The following USP9Y variants were observed in gnomAD, a reference collection of about 807,000 sequenced individuals.
USP9Y encodes the protein ubiquitin specific peptidase 9 Y-linked.
USP9Y carries 41 observed loss-of-function variants against 53.1 expected under a neutral mutation model. The ratio of observed to expected loss-of-function variants is 0.77; its 90% CI spans 0.60 to 1.00. The LOEUF is 1.00. USP9Y is among the 50% of genes least tolerant of loss of function. The pLI, the probability that USP9Y is intolerant of heterozygous loss-of-function variation, is 0.00. For missense variants in USP9Y, 567 were observed against 535.8 expected (o/e 1.06, Z -0.58); for synonymous variants, 220 against 173.7 (o/e 1.27, Z -2.09).
intron 22 of USP9Y, among the ~76,000 whole-genome samples, chrY:12,781,172 C>T (rs893974792): frequency 3.0e-5 from 1 of 32,981 alleles, no homozygotes; most frequent in African/African-American, 1.2e-4. Flanking sequence ...CTTTGTATCC[C>T]GGTGCGCATA....
chrY:12,738,798 C>T (rs764300444), intron 11 of USP9Y, among the ~76,000 whole-genome samples: 3 of 33,388 alleles, frequency 9.0e-5, no homozygotes, highest in Admixed American at 2.8e-4. Flanking sequence ...CCTTAGCCCC[C>T]CAAAGTGCTG....
intron 10 of USP9Y, among the ~76,000 whole-genome samples, chrY:12,737,237 T>C: frequency 3.0e-5 from 1 of 33,041 alleles, no homozygotes; most frequent in Admixed American, 2.8e-4. Context: ...CCTCCCAAAG[T>C]GTAAGATTAA....
At chrY:12,735,128 T>A (rs2053450320) in intron 7 of USP9Y, among the ~76,000 whole-genome samples, 2 of 29,008 alleles carry the variant, frequency 6.9e-5, no homozygotes, top group South Asian at 1.4e-3. Flanking sequence ...ACATCCTTTG[T>A]TCTCTACTCC....
At chrY:12,727,407 C>G in intron 7 of USP9Y, among the ~76,000 whole-genome samples, 1 of 32,784 alleles carries the variant, frequency 3.1e-5, no homozygotes, top group African/African-American at 1.2e-4. Context: ...CAATTTTTCT[C>G]AAGGAAGCGG....
chrY:12,772,623 G>A, intron 16 of USP9Y, among the ~76,000 whole-genome samples: 2 of 30,221 alleles, frequency 6.6e-5, no homozygotes, highest in Non-Finnish European at 1.6e-4. Context: ...AAATTAGCTG[G>A]GTGTGGTGGC....
At chrY:12,775,710 T>A in intron 18 of USP9Y, 144 bp downstream of exon 18, 1 of 144,868 alleles carries the variant, frequency 6.9e-6, no homozygotes, top group Non-Finnish European at 1.3e-5. Context: ...TTTTCTCCCT[T>A]GCCCAATGCT....
chrY:12,831,999 A>G (rs2053551244), intron 33 of USP9Y, among the ~76,000 whole-genome samples: 1 of 33,830 alleles, frequency 3.0e-5, no homozygotes, highest in Non-Finnish European at 7.4e-5. Context: ...ATGCTACAAC[A>G]TAGATGAGCC....
intron 12 of USP9Y, among the ~76,000 whole-genome samples, chrY:12,749,508 T>A (rs757095797): frequency 2.7e-3 from 90 of 33,447 alleles, no homozygotes; most frequent in Admixed American, 5.4e-3. Context: ...TGCTTACCCA[T>A]GTGGCCTTAG....
intron 12 of USP9Y, among the ~76,000 whole-genome samples, chrY:12,744,329 A>G: frequency 5.9e-5 from 2 of 33,878 alleles, no homozygotes; most frequent in African/African-American, 1.2e-4. Flanking sequence ...TCTTCTTGAT[A>G]TAACTGAGGG....
chrY:12,823,751 T>C (rs533335181), intron 33 of USP9Y, among the ~76,000 whole-genome samples: 2,723 of 32,718 alleles, frequency 0.083, no homozygotes, highest in East Asian at 0.06. Context: ...TGACATTGGA[T>C]TTGGCAGTGA....
chrY:12,791,627 A>G lies in USP9Y; in HGVS notation c.3813+3A>G. On this transcript the variant is annotated splice_donor_region_variant and intron_variant, in intron 26 of 45. Coordinates refer to ENST00000338981, the MANE Select transcript of USP9Y (RefSeq NM_004654.4). ...AAATAACTAAAATTTATCAGATGGT[A>G]AGAATTATTACAGAAATAGATTTTT... 2.6e-6 allele frequency: 1 copy of G among 378,929 alleles called. No homozygotes were observed. Among genetic ancestry groups the G allele is most frequent in the South Asian group, 3.2e-5 (1 of 31,399 alleles). The allele number at this position is 378,929 out of a possible 400,897, so 94.5% of individuals were successfully genotyped here. A position where few individuals can be genotyped will look rare whatever the true frequency, so the allele number is the denominator to read the frequency against.
intron 28 of USP9Y, among the ~76,000 whole-genome samples, 180 bp downstream of exon 28, chrY:12,810,467 C>T: frequency 3.0e-5 from 1 of 33,048 alleles, no homozygotes; most frequent in Non-Finnish European, 7.5e-5. Context: ...GGGAAAAATA[C>T]ACTACGTCTT....
chrY:12,759,992 T>C (rs958412782), intron 14 of USP9Y, among the ~76,000 whole-genome samples: 7 of 34,321 alleles, frequency 2.0e-4, no homozygotes, highest in Admixed American at 5.2e-4. Context: ...CTATATCGTT[T>C]GTCTTTTATC....
Position 12,842,467 on chromosome Y carries a change from T to G in USP9Y, c.6438+2T>G. ...GCATCTCCAGGACCTTCTAGTCAGG[T>G]AATTGCATGGCTTTTTTTTTTTTTT... On this transcript the variant is annotated splice_donor_variant, in intron 38 of 45. Transcript: ENST00000338981. LOFTEE classifies it high-confidence loss of function. 2.6e-6 allele frequency: 1 copy of G among 379,464 alleles called. No individual in the cohort carries two copies. The highest frequency in any genetic ancestry group is 3.7e-6 in the Non-Finnish European group (1 of 269,619). 94.7% of individuals were successfully genotyped at this position (379,464 alleles called of 400,897 possible).
At position 12,726,687 on chromosome Y, in the gene USP9Y, A is replaced by G. The variant is rs1360017070; in HGVS notation, c.551A>G (p.Lys184Arg). The G allele has an allele frequency of 5.0e-6, 2 of 397,962 alleles. No individual in the cohort carries two copies. Among genetic ancestry groups the G allele is most frequent in the Middle Eastern group, 1.2e-3 (2 of 1,704 alleles). The change falls in exon 7 of 46, where the codon AAG (lysine) becomes AGG (arginine). Residue 184 changes from lysine to arginine, a missense_variant. Lys to Arg is a conservative substitution (Grantham distance 26). Transcript: ENST00000338981. ...GCCATGGCCTTAAATCCTCACTGCA[A>G]GTTTCATATCTACAATGGTACACGT... ...LLAMALNPHC[K>R]FHIYNGTRPC...
intron 32 of USP9Y, among the ~76,000 whole-genome samples, chrY:12,818,102 A>G (rs2053537786): frequency 3.0e-5 from 1 of 33,385 alleles, no homozygotes; most frequent in Non-Finnish European, 7.4e-5. Context: ...AGGAAGACCA[A>G]GTAACTTATT....
intron 22 of USP9Y, among the ~76,000 whole-genome samples, chrY:12,783,496 G>C: frequency 3.0e-5 from 1 of 33,158 alleles, no homozygotes; most frequent in Non-Finnish European, 7.5e-5. Flanking sequence ...GCAATTTATT[G>C]TGCCCTGAAA....
At chrY:12,765,536 A>G (rs2053479505) in intron 15 of USP9Y, among the ~76,000 whole-genome samples, 1 of 32,908 alleles carries the variant, frequency 3.0e-5, no homozygotes, top group Non-Finnish European at 7.5e-5. Flanking sequence ...TTAGCTCCTG[A>G]GTCTTGCCTC....
chrY:12,840,049 T>C lies in USP9Y; in HGVS notation c.5523T>C (p.Asn1841=), dbSNP rs758747082. 7.6e-6 allele frequency: 3 copies of C among 396,482 alleles called. No homozygotes were observed. The highest frequency in any genetic ancestry group is 6.4e-5 in the African/African-American group (1 of 15,609). ...VAGVANLERD[N]VNSENELIEQ... is the part of the protein sequence containing the mutation. Reference sequence around the variant, plus strand: ...GTGTTGCAAACCTGGAAAGGGATAATGTAAACTCAGAAAATGAGTTGATTG... The same window carrying C: ...GTGTTGCAAACCTGGAAAGGGATAACGTAAACTCAGAAAATGAGTTGATTG... Residue 1841 remains asparagine (N), a synonymous_variant, in exon 36 of 46, where the codon AAT becomes AAC. Transcript: ENST00000338981.
Sources: allele counts gnomAD v4.1 joint callset (sites outside exome capture counted in the v4.1 genomes callset), GRCh38; gene constraint gnomAD v4.1.1; transcripts MANE v1.5; gene names NCBI Gene and HGNC (gene_info 2026-07-23, HGNC 2026-07-21).